The following FRMD4A variants were observed in gnomAD, a reference collection of about 807,000 sequenced individuals.
The protein encoded by FRMD4A is FERM domain containing 4A, also known as FERM domain-containing protein 4A.
Under a neutral mutation model 129.1 loss-of-function variants are expected in FRMD4A, and 29 were observed. The ratio of observed to expected loss-of-function variants is 0.22; its 90% CI spans 0.17 to 0.31. FRMD4A has a LOEUF of 0.31. Ranked by LOEUF, FRMD4A falls within the 10% of genes least tolerant of loss-of-function variation. The pLI is 1.00. For missense variants in FRMD4A, 1,272 were observed against 1,375.8 expected (o/e 0.92, Z 1.19); for synonymous variants, 634 against 571.6 (o/e 1.11, Z -1.56).
At chr10:13,783,390 CCT>C (rs2092782071) in intron 5 of FRMD4A, among the ~76,000 whole-genome samples, 2 of 151,932 alleles carry the variant, frequency 1.3e-5, no homozygotes, top group African/African-American at 4.8e-5. Flanking sequence ...CTTTTCTTCT[CCT>C]TTTTTTTCTT....
chr10:13,667,958 G>T (rs1284213174), intron 17 of FRMD4A: 1 of 152,214 alleles, frequency 6.6e-6, no homozygotes, highest in Non-Finnish European at 1.5e-5. Context: ...AGCCAAATAG[G>T]AGGAGATCAA....
chr10:13,788,787 TTATTAAA>T (rs1301335566), intron 5 of FRMD4A, among the ~76,000 whole-genome samples: 1 of 151,702 alleles, frequency 6.6e-6, no homozygotes, highest in Non-Finnish European at 1.5e-5. Flanking sequence ...GTGTTTGAGC[TTATTAAA>T]TATTAAACAG....
intron 2 of FRMD4A, among the ~76,000 whole-genome samples, chr10:14,319,325 A>G (rs1486601256): frequency 9.7e-6 from 1 of 103,240 alleles, no homozygotes; most frequent in Admixed American, 1.0e-4. Context: ...GTTTTACAGC[A>G]GTAGTAACTG....
At position 14,110,125 on chromosome 10, in the gene FRMD4A, T is replaced by TTAAAAAAAAAAAAAAAAAA. The variant is rs372420987; in HGVS notation, c.45+219932_45+219933insTTTTTTTTTTTTTTTTTTA. ...GGCTGGGCAACAAAGCGAGATGCTG[T>TTAAAAAAAAAAAAAAAAAA]AAAAAAAAAAAAAAAAAAAAAAGCT... On this transcript the variant is annotated intron_variant, in intron 2 of 24. Coordinates refer to ENST00000357447, the MANE Select transcript of FRMD4A (RefSeq NM_018027.5). 2.2e-3 allele frequency among the ~76,000 whole-genome samples: 193 copies of TTAAAAAAAAAAAAAAAAAA among 89,554 alleles called. 39 individuals carry two copies. The highest frequency in any genetic ancestry group is 0.012 in the East Asian group (34 of 2,866). The allele number at this position is 89,554 out of a possible 152,430, so 58.8% of individuals were successfully genotyped here. A position where few individuals can be genotyped will look rare whatever the true frequency, so the allele number is the denominator to read the frequency against.
At chr10:13,736,350 AG>A (rs1221695466) in intron 12 of FRMD4A, among the ~76,000 whole-genome samples, 2 of 152,160 alleles carry the variant, frequency 1.3e-5, no homozygotes. Flanking sequence ...AAGCCAGAAA[AG>A]GTAAGAACAG....
chr10:14,312,709 A>G (rs557518830), intron 2 of FRMD4A, among the ~76,000 whole-genome samples: 26 of 152,296 alleles, frequency 1.7e-4, no homozygotes, highest in Non-Finnish European at 3.5e-4. Context: ...TAAAAAAAAT[A>G]CAAAAAATTA....
intron 9 of FRMD4A, among the ~76,000 whole-genome samples, chr10:13,744,916 T>C (rs2091214654): frequency 6.6e-6 from 1 of 152,170 alleles, no homozygotes; most frequent in Non-Finnish European, 1.5e-5. Flanking sequence ...TCCCTCTCCT[T>C]GCGGCTTTGC....
chr10:13,998,207 C>T (rs1228798932), intron 2 of FRMD4A, among the ~76,000 whole-genome samples: 1 of 152,166 alleles, frequency 6.6e-6, no homozygotes, highest in Non-Finnish European at 1.5e-5. Flanking sequence ...GCTTTAAATG[C>T]CAATCTCCAG....
intron 2 of FRMD4A, among the ~76,000 whole-genome samples, chr10:14,006,255 G>A (rs1246124920): frequency 1.3e-5 from 2 of 152,176 alleles, no homozygotes; most frequent in African/African-American, 4.8e-5. Flanking sequence ...TTCCAAGGAT[G>A]TGCAGCGCGG....
chr10:14,186,061 G>T (rs1333120299), intron 2 of FRMD4A, among the ~76,000 whole-genome samples: 1 of 151,546 alleles, frequency 6.6e-6, no homozygotes, highest in Non-Finnish European at 1.5e-5. Flanking sequence ...CCGTAAAGGA[G>T]ACACTGGAAA....
intron 2 of FRMD4A, among the ~76,000 whole-genome samples, chr10:13,986,724 G>A (rs990558017): frequency 2.0e-5 from 3 of 150,172 alleles, no homozygotes; most frequent in African/African-American, 4.9e-5. Context: ...CCTGCACCCC[G>A]CTCCTAGAGA....
intron 2 of FRMD4A, among the ~76,000 whole-genome samples, chr10:13,969,750 G>GT (rs35437246): frequency 0.25 from 38,375 of 152,090 alleles, 6,016 homozygotes; most frequent in East Asian, 0.64. Context: ...GGAGGCTGAG[G>GT]TGGGAGGATC....
At chr10:13,885,291 A>C (rs1334843480) in intron 2 of FRMD4A, among the ~76,000 whole-genome samples, 1 of 152,206 alleles carries the variant, frequency 6.6e-6, no homozygotes, top group Non-Finnish European at 1.5e-5. Context: ...TGCTCCTCCG[A>C]ATGTCACTTA....
intron 15 of FRMD4A, among the ~76,000 whole-genome samples, chr10:13,691,140 AC>A (rs954310085): frequency 1.2e-3 from 179 of 152,304 alleles, no homozygotes; most frequent in African/African-American, 4.1e-3. Context: ...GGTGTGCACC[AC>A]CATGCCTGGC....
rs192167196 is a variant in FRMD4A, at chr10:13,804,543, C to A, written c.206+6271G>T. Among the ~76,000 whole-genome samples, 459 of 151,334 alleles carry A rather than the reference C, an allele frequency of 3.0e-3. 2 individuals are homozygous for A. The highest frequency in any genetic ancestry group is 4.0e-3 in the Non-Finnish European group (268 of 67,802). On this transcript the variant is annotated intron_variant, in intron 4 of 24. Transcript: ENST00000357447. Reference sequence around the variant, plus strand: ...GGACTTTTTCTTTCTTTCTTTCTTTCTTTATTTCTTTTTTTTGTTGAGACG... The same window carrying A: ...GGACTTTTTCTTTCTTTCTTTCTTTATTTATTTCTTTTTTTTGTTGAGACG...
At chr10:13,804,713 TC>T (rs1339138913) in intron 4 of FRMD4A, among the ~76,000 whole-genome samples, 2 of 70,334 alleles carry the variant, frequency 2.8e-5, no homozygotes, top group Non-Finnish European at 6.1e-5. Context: ...CCCAGCTAAT[TC>T]TTTTTTTTTT....
intron 2 of FRMD4A, among the ~76,000 whole-genome samples, chr10:14,294,548 C>T (rs1256294507): frequency 3.9e-5 from 6 of 152,146 alleles, no homozygotes; most frequent in Admixed American, 6.5e-5. Context: ...AACTGGCCCC[C>T]GATTCAGGCA....
At chr10:13,720,551 T>G (rs1015777955) in intron 12 of FRMD4A, among the ~76,000 whole-genome samples, 4 of 152,204 alleles carry the variant, frequency 2.6e-5, no homozygotes, top group African/African-American at 9.7e-5. Flanking sequence ...ATCCTGCACA[T>G]TCTTATGAAG....
At chr10:14,131,396 G>GCCCT (rs1554767023) in intron 2 of FRMD4A, among the ~76,000 whole-genome samples, 1 of 148,930 alleles carries the variant, frequency 6.7e-6, no homozygotes, top group Non-Finnish European at 1.5e-5. Flanking sequence ...AACTCACTGT[G>GCCCT]CCCCCCCCGG....
Sources: allele counts gnomAD v4.1 joint callset (sites outside exome capture counted in the v4.1 genomes callset), GRCh38; gene constraint gnomAD v4.1.1; transcripts MANE v1.5; gene names NCBI Gene and HGNC (gene_info 2026-07-23, HGNC 2026-07-21).